SPATA6L: variants seen among roughly 807,000 people sequenced by gnomAD.
SPATA6L encodes spermatogenesis associated 6 like.
Under a neutral mutation model 49.2 loss-of-function variants are expected in SPATA6L, and 68 were observed. The ratio of observed to expected loss-of-function variants is 1.38; its 90% confidence interval spans 1.14 to 1.69. The LOEUF (loss-of-function observed/expected upper bound fraction) is 1.69. SPATA6L is among the 40% of genes most tolerant of loss of function. SPATA6L has a pLI of 0.00. For missense variants in SPATA6L, 668 were observed against 464.3 expected, an observed-to-expected ratio of 1.44 and a Z score of -4.03; for synonymous variants, 198 against 165.7, an observed-to-expected ratio of 1.19 and a Z score of -1.50.
intron 1 of SPATA6L, 62 bp downstream of exon 1, chr9:4,666,150 C>T: frequency 1.3e-6 from 2 of 1,554,292 alleles, no homozygotes; most frequent in Non-Finnish European, 1.8e-6. Flanking sequence ...TTGTTGAAAA[C>T]CACCTGAGAC....
chr9:4,651,204 C>G (rs1836773006), intron 3 of SPATA6L, among the ~76,000 whole-genome samples: 1 of 151,972 alleles, frequency 6.6e-6, no homozygotes, highest in African/African-American at 2.4e-5. Context: ...TGGGGGCTCC[C>G]ATAAAAATAT....
At chr9:4,590,796 C>T (rs1314907753) in intron 13 of SPATA6L, among the ~76,000 whole-genome samples, 1 of 152,154 alleles carries the variant, frequency 6.6e-6, no homozygotes, top group Non-Finnish European at 1.5e-5. Flanking sequence ...GCAGAATCAA[C>T]TAAACTGAGC....
At chr9:4,604,314 T>A (rs776364320) in intron 10 of SPATA6L, 45 bp from the exon 11 acceptor site, 1 of 1,287,056 alleles carries the variant, frequency 7.8e-7, no homozygotes, top group Non-Finnish European at 1.1e-6. Flanking sequence ...CATAACATAA[T>A]AGAGATGGAT....
chr9:4,666,138 G>C (rs916514821), intron 1 of SPATA6L, 74 bp downstream of exon 1: 15 of 1,368,914 alleles, frequency 1.1e-5, no homozygotes, highest in Non-Finnish European at 1.5e-5. Context: ...TGTGGGGGAG[G>C]GTTGTTGAAA....
intron 13 of SPATA6L, among the ~76,000 whole-genome samples, chr9:4,591,174 G>C (rs531339079): frequency 8.5e-5 from 13 of 152,260 alleles, no homozygotes; most frequent in Non-Finnish European, 1.5e-4. Context: ...CTGGAGAAAA[G>C]GTACTACTCC....
At chr9:4,650,824 T>TTGTGTGTGTGTG (rs59184426) in intron 3 of SPATA6L, among the ~76,000 whole-genome samples, 1 of 137,146 alleles carries the variant, frequency 7.3e-6, no homozygotes, top group East Asian at 2.1e-4. Context: ...CAAACCCAGC[T>TTGTGTGTGTGTG]TGTGTGTGTG....
At chr9:4,626,490 G>T (rs1036857205) in intron 5 of SPATA6L, 2 of 1,304,208 alleles carry the variant, frequency 1.5e-6, no homozygotes, top group African/African-American at 3.0e-5. Flanking sequence ...TCCCATTTCT[G>T]TTCAGTTTCT....
intron 8 of SPATA6L, 63 bp downstream of exon 8, chr9:4,618,801 C>G: frequency 6.8e-7 from 1 of 1,474,840 alleles, no homozygotes; most frequent in Non-Finnish European, 9.4e-7. Context: ...TTGGAAAAAG[C>G]ACAATAATTG....
intron 2 of SPATA6L, among the ~76,000 whole-genome samples, 190 bp downstream of exon 2, chr9:4,661,709 G>C (rs1839798261): frequency 7.2e-6 from 1 of 138,526 alleles, no homozygotes; most frequent in South Asian, 2.3e-4. Flanking sequence ...GCACTAGATT[G>C]ACAGAACTTG....
chr9:4,634,506 T>C (rs3852396), intron 4 of SPATA6L, among the ~76,000 whole-genome samples: 22,113 of 152,134 alleles, frequency 0.15, 2,613 homozygotes, highest in East Asian at 0.33. Flanking sequence ...GTCCTGACTG[T>C]TATATTAAAT....
intron 4 of SPATA6L, among the ~76,000 whole-genome samples, chr9:4,634,130 C>G (rs1248379862): frequency 6.6e-6 from 1 of 152,114 alleles, no homozygotes; most frequent in Non-Finnish European, 1.5e-5. Flanking sequence ...TGGCTGGATA[C>G]CAGCTCAGTG....
At chr9:4,660,717 A>G (rs979292991) in intron 2 of SPATA6L, among the ~76,000 whole-genome samples, 3 of 152,218 alleles carry the variant, frequency 2.0e-5, no homozygotes, top group Non-Finnish European at 4.4e-5. Flanking sequence ...TGCTACTATA[A>G]AGACACATGC....
downstream of SPATA6L, among the ~76,000 whole-genome samples, chr9:4,597,985 C>A (rs1276385637): frequency 2.6e-5 from 4 of 152,136 alleles, no homozygotes; most frequent in African/African-American, 9.7e-5. Flanking sequence ...ACACACATAC[C>A]CATCAGTCTT....
chr9:4,620,798 G>C (rs1045827329), intron 7 of SPATA6L, among the ~76,000 whole-genome samples: 1 of 152,196 alleles, frequency 6.6e-6, no homozygotes, highest in African/African-American at 2.4e-5. Flanking sequence ...CATCGTAATA[G>C]AGCCTGCATT....
At chr9:4,635,180 A>C in intron 4 of SPATA6L, 95 bp downstream of exon 4, 2 of 1,351,124 alleles carry the variant, frequency 1.5e-6, no homozygotes, top group Non-Finnish European at 1.9e-6. Context: ...CAGGGGTACT[A>C]ACCAAGATAA....
chr9:4,621,759 A>T (rs1021496164), intron 7 of SPATA6L, among the ~76,000 whole-genome samples: 3 of 152,352 alleles, frequency 2.0e-5, no homozygotes, highest in African/African-American at 7.2e-5. Context: ...AAGTGCTGGG[A>T]TTACAGGCGT....
intron 3 of SPATA6L, among the ~76,000 whole-genome samples, chr9:4,648,006 T>G (rs952271419): frequency 4.6e-5 from 7 of 152,112 alleles, no homozygotes; most frequent in Admixed American, 1.3e-4. Context: ...AGCTACTTTT[T>G]GTATTTTTAG....
chr9:4,617,812 G>A, intron 9 of SPATA6L, 111 bp downstream of exon 9: 1 of 823,006 alleles, frequency 1.2e-6, no homozygotes, highest in South Asian at 2.8e-5. Context: ...TCATATCAAG[G>A]TGTCACCAGC....
At chr9:4,653,574 G>C (rs1304114049) in intron 3 of SPATA6L, among the ~76,000 whole-genome samples, 1 of 152,186 alleles carries the variant, frequency 6.6e-6, no homozygotes, top group Non-Finnish European at 1.5e-5. Flanking sequence ...GACAATTCTA[G>C]AATGGGAGAA....
Sources: gnomAD v4.1 joint callset for allele counts (sites outside exome capture counted in the v4.1 genomes callset) on GRCh38, gnomAD v4.1.1 for gene constraint, MANE v1.5 for transcripts, NCBI Gene and HGNC (gene_info 2026-07-23, HGNC 2026-07-21) for gene names.